AP3D1: variants seen among roughly 807,000 people sequenced by gnomAD.
The protein encoded by AP3D1 is adaptor related protein complex 3 subunit delta 1, also known as AP-3 complex subunit delta-1.
Under a neutral mutation model 147.6 loss-of-function variants are expected in AP3D1, and 51 were observed. That is an observed-to-expected ratio of 0.35 (90% CI 0.28 to 0.44). The LOEUF is 0.44. Among genes scored for constraint, AP3D1 ranks in the 20% least tolerant of loss-of-function variants. The pLI is 1.00. For missense variants in AP3D1, 1,421 were observed against 1,624.2 expected, an observed-to-expected ratio of 0.87 and a Z score of 2.15; for synonymous variants, 760 against 663.0, an observed-to-expected ratio of 1.15 and a Z score of -2.25.
intron 12 of AP3D1, among the ~76,000 whole-genome samples, 183 bp from the exon 13 acceptor site, chr19:2,121,494 G>A (rs1002947479): frequency 1.3e-5 from 2 of 152,172 alleles, no homozygotes; most frequent in African/African-American, 4.8e-5. Context: ...CACGACCCCA[G>A]CCAGGGAGCA....
intron 1 of AP3D1, among the ~76,000 whole-genome samples, chr19:2,157,192 C>T (rs2019652446): frequency 6.6e-6 from 1 of 151,430 alleles, no homozygotes; most frequent in Non-Finnish European, 1.5e-5. Context: ...CCTGTAATCC[C>T]AGCACTTTGG....
Position 2,116,192 on chromosome 19 carries a change from G to C in AP3D1, c.2073+15C>G. 1 of 1,613,290 alleles carries C rather than the reference G, an allele frequency of 6.2e-7. No individual in the cohort carries two copies. Among genetic ancestry groups the C allele is most frequent in the Middle Eastern group, 1.7e-4 (1 of 6,038 alleles). Reference sequence around the variant, plus strand: ...AGAGGGTGCTGAGGGACAGGCACCCGGGGACGGGCCTCACCTTCTGTGGCG... The same window carrying C: ...AGAGGGTGCTGAGGGACAGGCACCCCGGGACGGGCCTCACCTTCTGTGGCG... On this transcript the variant is annotated intron_variant, in intron 18 of 31. Transcript: ENST00000643116.
intron 26 of AP3D1, 105 bp from the exon 27 acceptor site, chr19:2,111,001 C>A (rs1272538823): frequency 1.6e-6 from 2 of 1,283,860 alleles, no homozygotes; most frequent in East Asian, 2.5e-5. Flanking sequence ...GTCCCACAGG[C>A]ACAGGAAGGC....
intron 1 of AP3D1, among the ~76,000 whole-genome samples, chr19:2,158,346 G>A (rs1052938900): frequency 1.3e-5 from 2 of 149,934 alleles, no homozygotes; most frequent in Non-Finnish European, 3.0e-5. Flanking sequence ...ATGAGCCAAC[G>A]TGCTCGACCT....
chr19:2,119,552 A>G (rs936854756), intron 14 of AP3D1, among the ~76,000 whole-genome samples: 37 of 151,972 alleles, frequency 2.4e-4, no homozygotes, highest in Admixed American at 2.2e-3. Context: ...AAAAATTAGC[A>G]GGGCATGGTG....
intron 1 of AP3D1, chr19:2,164,242 T>C: frequency 2.3e-6 from 3 of 1,285,616 alleles, no homozygotes; most frequent in Non-Finnish European, 2.0e-6. Flanking sequence ...GCCCGCCGTC[T>C]ACCCGTGGCC....
At position 2,151,387 on chromosome 19, in the gene AP3D1, G is replaced by C. The variant is rs2019506601; in HGVS notation, c.-53C>G. On this transcript the variant is annotated 5_prime_UTR_variant, in exon 1 of 32. Coordinates refer to ENST00000643116, the MANE Select transcript of AP3D1 (RefSeq NM_001261826.3). Reference sequence around the variant, plus strand: ...GGAGGCCCGCGGCTGGGCGCCGTGAGGGGGCCCGGGGCCCGTGCCTGCCGC... The same window carrying C: ...GGAGGCCCGCGGCTGGGCGCCGTGACGGGGCCCGGGGCCCGTGCCTGCCGC... The C allele has an allele frequency of 3.1e-6, 4 of 1,307,418 alleles. No homozygotes were observed. The highest frequency in any genetic ancestry group is 3.0e-6 in the Non-Finnish European group (3 of 992,690). The allele number at this position is 1,307,418 out of a possible 1,614,324, so 81.0% of individuals were successfully genotyped here.
intron 31 of AP3D1, among the ~76,000 whole-genome samples, chr19:2,106,166 G>A (rs960957303): frequency 3.9e-5 from 6 of 152,104 alleles, no homozygotes; most frequent in East Asian, 3.9e-4. Context: ...GGCAGCAGGC[G>A]GGAAACAAAG....
chr19:2,111,614 TG>T, intron 25 of AP3D1, 64 bp downstream of exon 25: 2 of 1,508,370 alleles, frequency 1.3e-6, no homozygotes, highest in Non-Finnish European at 8.9e-7. Flanking sequence ...GCTGCAGGAG[TG>T]GGGAGCAGCG....
intron 9 of AP3D1, among the ~76,000 whole-genome samples, chr19:2,124,854 C>T (rs950399895): frequency 3.9e-5 from 6 of 152,126 alleles, no homozygotes; most frequent in Admixed American, 2.0e-4. Context: ...GCAGGAGAAT[C>T]GCTTGACCTG....
intron 1 of AP3D1, 91 bp downstream of exon 1, chr19:2,151,148 G>T: frequency 7.9e-7 from 1 of 1,258,086 alleles, no homozygotes; most frequent in Non-Finnish European, 1.1e-6. Context: ...AGCCCGGGCG[G>T]GCGGCAGGCC....
At chr19:2,140,779 AG>A (rs2019200336) in intron 1 of AP3D1, among the ~76,000 whole-genome samples, 9 of 52,076 alleles carry the variant, frequency 1.7e-4, no homozygotes, top group African/African-American at 5.4e-4. Context: ...TTTTTTTTTG[AG>A]ACGGAGTCTC....
chr19:2,139,194 T>C (rs73512393), intron 1 of AP3D1, among the ~76,000 whole-genome samples: 9,989 of 151,480 alleles, frequency 0.066, 583 homozygotes, highest in East Asian at 0.16. Flanking sequence ...TGCCACAGGC[T>C]GGGAGAGGAG....
intron 1 of AP3D1, among the ~76,000 whole-genome samples, chr19:2,146,218 C>G (rs565980433): frequency 5.3e-5 from 8 of 152,222 alleles, no homozygotes; most frequent in Non-Finnish European, 1.0e-4. Flanking sequence ...TAGGCAATCA[C>G]GCCTATGGTT....
In AP3D1 at chr19:2,115,266, T is replaced by C. The variant is rs777741574; in HGVS notation, c.2302A>G (p.Ile768Val). Residue 768 changes from isoleucine (I) to valine (V), a missense_variant, in exon 20 of 32, where the codon ATC becomes GTC. Transcript: ENST00000643116. ...ATGTCCACCTGCTGGGCAGGGGCGATGTCCTCGTCGCTCTCCGTGGGCAGC... is the reference window on the plus strand; with the variant it reads ...ATGTCCACCTGCTGGGCAGGGGCGACGTCCTCGTCGCTCTCCGTGGGCAGC... The part of the protein sequence containing the change: ...SSLPTESDED[I>V]APAQQVDIVT... 27 of 1,613,390 alleles carry C rather than the reference T, an allele frequency of 1.7e-5. No individual in the cohort carries two copies. The highest frequency in any genetic ancestry group is 6.7e-5 in the African/African-American group (5 of 74,934).
chr19:2,143,326 C>A (rs2019271723), intron 1 of AP3D1, among the ~76,000 whole-genome samples: 1 of 149,600 alleles, frequency 6.7e-6, no homozygotes, highest in Non-Finnish European at 1.5e-5. Flanking sequence ...CTGCAAGCTC[C>A]ACCTCCTGGG....
intron 1 of AP3D1, among the ~76,000 whole-genome samples, chr19:2,162,416 A>G (rs1291150916): frequency 3.3e-5 from 5 of 149,936 alleles, no homozygotes; most frequent in Non-Finnish European, 7.4e-5. Context: ...GAATTTCGGG[A>G]GGCTGAGGAG....
At chr19:2,124,900 T>C (rs1318249737) in intron 9 of AP3D1, among the ~76,000 whole-genome samples, 5 of 152,090 alleles carry the variant, frequency 3.3e-5, no homozygotes, top group African/African-American at 4.8e-5. Context: ...GATTGTGCCA[T>C]TGAACTCCAG....
upstream of AP3D1, among the ~76,000 whole-genome samples, chr19:2,152,061 C>G (rs949670783): frequency 6.6e-6 from 1 of 152,242 alleles, no homozygotes; most frequent in Non-Finnish European, 1.5e-5. Flanking sequence ...GCAAGACAGA[C>G]ATTAACATGC....
Sources: allele counts gnomAD v4.1 joint callset (sites outside exome capture counted in the v4.1 genomes callset), GRCh38; gene constraint gnomAD v4.1.1; transcripts MANE v1.5; gene names NCBI Gene and HGNC (gene_info 2026-07-23, HGNC 2026-07-21).